The following GTF3C1 variants were observed in gnomAD, a reference collection of about 807,000 sequenced individuals.
The protein encoded by GTF3C1 is general transcription factor 3C polypeptide 1.
In GTF3C1, 57 loss-of-function variants were observed where a neutral mutation model predicts 226.7. That is an observed-to-expected ratio of 0.25 (90% CI 0.20 to 0.31). The LOEUF (loss-of-function observed/expected upper bound fraction) is 0.31. GTF3C1 is among the 10% of genes least tolerant of loss of function. GTF3C1 has a pLI of 1.00. For missense variants in GTF3C1, 2,217 were observed against 2,776.1 expected (o/e 0.80, Z 4.53); for synonymous variants, 1,090 against 1,084.8 (o/e 1.00, Z -0.09).
intron 2 of GTF3C1, among the ~76,000 whole-genome samples, chr16:27,538,994 A>G (rs1439786626): frequency 7.3e-6 from 1 of 136,600 alleles, no homozygotes; most frequent in East Asian, 2.2e-4. Context: ...ACACACACAC[A>G]CACACTCATC....
intron 6 of GTF3C1, among the ~76,000 whole-genome samples, chr16:27,514,521 A>G (rs2088626962): frequency 6.6e-6 from 1 of 152,076 alleles, no homozygotes; most frequent in Non-Finnish European, 1.5e-5. Flanking sequence ...GGAAGACCAG[A>G]CCACCATGCC....
chr16:27,484,376 AC>A lies in GTF3C1; in HGVS notation c.3859-24del, dbSNP rs745613831. 3.2e-6 allele frequency: 5 copies of A among 1,578,860 alleles called. No homozygotes were observed. The African/African-American group carries it at 6.7e-5, about 21-fold the overall frequency. On this transcript the variant is annotated intron_variant, in intron 24 of 36. Transcript: ENST00000356183. Reference sequence around the variant, plus strand: ...CACCTGGATCAAACACAGAGCCAAGACAAAAAGTCAGTATCCTCAGAGACGA... The same window carrying A: ...CACCTGGATCAAACACAGAGCCAAGAAAAAAGTCAGTATCCTCAGAGACGA...
In GTF3C1 at chr16:27,465,417, C is replaced by G; in HGVS notation, c.5198G>C (p.Gly1733Ala). 1 of 1,613,978 alleles carries G rather than the reference C, an allele frequency of 6.2e-7. No individual in the cohort carries two copies. The highest frequency in any genetic ancestry group is 2.2e-5 in the East Asian group (1 of 44,882). Residue 1733 changes from glycine to alanine, a missense_variant, in exon 33 of 37, where the codon GGG (glycine) becomes GCG (alanine). Coordinates refer to ENST00000356183, the MANE Select transcript of GTF3C1 (RefSeq NM_001520.4). ...EEFVLQLELS[G>A]YSPEDLTAAL... ...AGCAGTCAGGTCTTCGGGACTATAC[C>G]CAGACAGCTCCAGCTGGAGGACAAA...
intron 2 of GTF3C1, among the ~76,000 whole-genome samples, chr16:27,540,297 C>T (rs1425360336): frequency 6.6e-6 from 1 of 152,230 alleles, no homozygotes; most frequent in Non-Finnish European, 1.5e-5. Context: ...GTTGCGAATA[C>T]ACGACAGAAA....
chr16:27,543,322 G>T (rs896032067), intron 2 of GTF3C1, among the ~76,000 whole-genome samples: 1 of 152,170 alleles, frequency 6.6e-6, no homozygotes, highest in Non-Finnish European at 1.5e-5. Context: ...AGAGGCGGAG[G>T]TTGCAGTAAA....
intron 33 of GTF3C1, 100 bp downstream of exon 33, chr16:27,465,160 C>G: frequency 1.0e-5 from 11 of 1,072,598 alleles, no homozygotes; most frequent in Non-Finnish European, 1.5e-5. Context: ...AAGAACGCAG[C>G]ATGCTATGCC....
At chr16:27,534,746 C>T (rs1023609087) in intron 4 of GTF3C1, among the ~76,000 whole-genome samples, 1 of 152,108 alleles carries the variant, frequency 6.6e-6, no homozygotes, top group African/African-American at 2.4e-5. Flanking sequence ...TAGTATGACC[C>T]AATTAAAATG....
chr16:27,501,455 T>A, intron 11 of GTF3C1, 111 bp from the exon 12 acceptor site: 24 of 906,144 alleles, frequency 2.6e-5, no homozygotes, highest in Non-Finnish European at 4.0e-5. Flanking sequence ...CAAGGAAGGA[T>A]CAAACGGGGT....
Position 27,508,520 on chromosome 16 carries a change from G to A in GTF3C1, c.1242+20C>T, listed in dbSNP as rs542509262. On this transcript the variant is annotated intron_variant, in intron 8 of 36. Transcript: ENST00000356183. ...CACCTCCAAAGACAACGAGTGTTGGGGGAAGGCTCATGATGTTACCTTGAC... is the reference window on the plus strand; with the variant it reads ...CACCTCCAAAGACAACGAGTGTTGGAGGAAGGCTCATGATGTTACCTTGAC... The A allele has an allele frequency of 1.3e-6, 2 of 1,544,508 alleles. No individual in the cohort carries two copies. Among genetic ancestry groups the A allele is most frequent in the African/African-American group, 1.4e-5 (1 of 73,540 alleles).
intron 6 of GTF3C1, among the ~76,000 whole-genome samples, chr16:27,516,529 A>G (rs1383587558): frequency 6.6e-6 from 1 of 152,244 alleles, no homozygotes; most frequent in Non-Finnish European, 1.5e-5. Flanking sequence ...TCTCTTCTGT[A>G]TCCGCCCGGC....
intron 6 of GTF3C1, among the ~76,000 whole-genome samples, chr16:27,522,871 T>C (rs1027346297): frequency 1.3e-5 from 2 of 152,262 alleles, no homozygotes; most frequent in Admixed American, 6.5e-5. Context: ...AATTTCATTT[T>C]CAGATTGTGC....
intron 5 of GTF3C1, among the ~76,000 whole-genome samples, chr16:27,530,123 G>T (rs372248213): frequency 2.0e-5 from 3 of 152,098 alleles, no homozygotes; most frequent in East Asian, 1.9e-4. Context: ...CTTACATTCT[G>T]GGGGGAGAGA....
At chr16:27,477,768 T>C (rs1170877040) in intron 28 of GTF3C1, among the ~76,000 whole-genome samples, 1 of 152,214 alleles carries the variant, frequency 6.6e-6, no homozygotes, top group Non-Finnish European at 1.5e-5. Context: ...GAGTCAAAAG[T>C]TACATGTGGG....
At chr16:27,547,500 G>A (rs1176638169) in intron 1 of GTF3C1, among the ~76,000 whole-genome samples, 1 of 151,900 alleles carries the variant, frequency 6.6e-6, no homozygotes, top group Non-Finnish European at 1.5e-5. Flanking sequence ...GGTTCGCTCA[G>A]GTGCCCAAAC....
rs2088481078 is a variant in GTF3C1 at position 27,506,127 on chromosome 16, G to C, written c.1553-11C>G. 1.3e-6 allele frequency: 2 copies of C among 1,517,864 alleles called. No individual in the cohort carries two copies. Among genetic ancestry groups the C allele is most frequent in the Admixed American group, 1.7e-5 (1 of 59,664 alleles). The allele number at this position is 1,517,864 out of a possible 1,614,324, so 94.0% of individuals were successfully genotyped here. A position where few individuals can be genotyped will look rare whatever the true frequency, so the allele number is the denominator to read the frequency against. On this transcript the variant is annotated splice_polypyrimidine_tract_variant and intron_variant, in intron 9 of 36. Transcript: ENST00000356183. Reference sequence around the variant, plus strand: ...CAACTTTCCACCCACCTGTGGTGGAGGGAAGAGATAGAACAAATCAAGGGG... The same window carrying C: ...CAACTTTCCACCCACCTGTGGTGGACGGAAGAGATAGAACAAATCAAGGGG...
chr16:27,464,816 C>A lies in GTF3C1; in HGVS notation c.5376G>T (p.Gln1792His). The change falls in exon 34 of 37, where the codon CAG becomes CAT. Residue 1792 changes from glutamine to histidine, a missense_variant. Physicochemically the swap from Gln to His is conservative, Grantham distance 24 (BLOSUM62 0). Around this residue, in one of 12 missense-constraint regions of GTF3C1, gnomAD observed 455 missense variants for 441.9 expected, o/e 1.03. Coordinates refer to ENST00000356183, the MANE Select transcript of GTF3C1 (RefSeq NM_001520.4). ...DCIQALLEQH[Q>H]VLEVGGNTAR... ...CAGTGTTGCCACCGACCTCCAGCAC[C>A]TGATGCTGCTCCAGGAGGGCCTGGG... is the stretch of plus-strand genomic sequence containing the variant. 6.6e-7 allele frequency: 1 copy of A among 1,517,568 alleles called. No homozygotes were observed. The highest frequency in any genetic ancestry group is 2.2e-5 in the Admixed American group (1 of 46,286). The allele number at this position is 1,517,568 out of a possible 1,614,324, so 94.0% of individuals were successfully genotyped here.
intron 34 of GTF3C1, 21 bp downstream of exon 34, chr16:27,464,298 TG>T (rs1335490391): frequency 7.3e-7 from 1 of 1,362,178 alleles, no homozygotes; most frequent in Non-Finnish European, 9.7e-7. Context: ...TGAGGTGGGG[TG>T]GGGGACAAGG....
chr16:27,489,646 G>C lies in GTF3C1; in HGVS notation c.3249C>G (p.Asp1083Glu). ...CGCACTTGCGCTCCAGGTTGTGCTT[G>C]TCCATGGCGCTCTCCTGCTCCTTCT... is the stretch of plus-strand genomic sequence containing the variant. ...SLQKEQESAM[D>E]KHNLERKCAM... The change falls in exon 20 of 37, where the codon GAC becomes GAG. Residue 1083 changes from aspartate to glutamate, a missense_variant. Around this residue, in one of 12 missense-constraint regions of GTF3C1, gnomAD observed 353 missense variants for 411.7 expected, o/e 0.86. Transcript: ENST00000356183. The C allele has an allele frequency of 1.2e-6, 2 of 1,611,312 alleles. No individual in the cohort carries two copies. The highest frequency in any genetic ancestry group is 1.7e-6 in the Non-Finnish European group (2 of 1,179,256).
chr16:27,509,120 C>T (rs1330369744), intron 7 of GTF3C1, among the ~76,000 whole-genome samples: 1 of 152,186 alleles, frequency 6.6e-6, no homozygotes, highest in African/African-American at 2.4e-5. Context: ...GACACAGAGG[C>T]ATTGTGGACA....
Sources: allele counts gnomAD v4.1 joint callset (sites outside exome capture counted in the v4.1 genomes callset), GRCh38; gene constraint gnomAD v4.1.1; regional missense constraint gnomAD v4.1.1; transcripts MANE v1.5; gene names NCBI Gene and HGNC (gene_info 2026-07-23, HGNC 2026-07-21).